Variants in ULK4 observed in about 807,000 individuals in gnomAD.
ULK4 encodes the protein inactive serine/threonine-protein kinase ULK4.
In ULK4, 133 loss-of-function variants were observed where a neutral mutation model predicts 160.6. The observed-to-expected ratio is 0.83, with a 90% CI of 0.72 to 0.96. The LOEUF (loss-of-function observed/expected upper bound fraction) is 0.96. Among genes scored for constraint, ULK4 ranks in the 40% least tolerant of loss-of-function variants. The pLI is 0.00. For synonymous variants in ULK4, 534 were observed against 539.8 expected, an observed-to-expected ratio of 0.99 and a Z score of 0.15; for missense variants, 1,580 against 1,499.5, an observed-to-expected ratio of 1.05 and a Z score of -0.89.
At chr3:41,626,094 T>A (rs1025980839) in intron 30 of ULK4, among the ~76,000 whole-genome samples, 7 of 152,162 alleles carry the variant, frequency 4.6e-5, no homozygotes, top group Non-Finnish European at 7.4e-5. Flanking sequence ...TTAAAGAGTC[T>A]CCCTTACAAA....
chr3:41,250,708 G>A (rs773818506), intron 35 of ULK4, among the ~76,000 whole-genome samples: 3 of 152,136 alleles, frequency 2.0e-5, no homozygotes, highest in African/African-American at 4.8e-5. Flanking sequence ...GAATGCATTC[G>A]CACCTCCACT....
intron 31 of ULK4, among the ~76,000 whole-genome samples, chr3:41,600,767 C>G (rs2032011297): frequency 6.6e-6 from 1 of 152,220 alleles, no homozygotes; most frequent in Admixed American, 6.5e-5. Context: ...AAGCCAAGTC[C>G]TGTGCTCATT....
chr3:41,437,355 A>T (rs879641999), intron 34 of ULK4, among the ~76,000 whole-genome samples: 6 of 152,222 alleles, frequency 3.9e-5, no homozygotes, highest in Non-Finnish European at 8.8e-5. Flanking sequence ...TTAAGAGAAA[A>T]ATTCACTTTT....
intron 21 of ULK4, among the ~76,000 whole-genome samples, chr3:41,769,379 A>G (rs531145820): frequency 4.1e-4 from 62 of 152,342 alleles, no homozygotes; most frequent in African/African-American, 1.4e-3. Context: ...GCAAAGACTT[A>G]GTGCCAAAGA....
chr3:41,715,640 T>C, intron 23 of ULK4, 72 bp from the exon 24 acceptor site: 1 of 1,589,056 alleles, frequency 6.3e-7, no homozygotes, highest in Non-Finnish European at 8.6e-7. Context: ...GGTCATTGCT[T>C]GAATACCCAT....
intron 32 of ULK4, among the ~76,000 whole-genome samples, chr3:41,543,271 G>A (rs2086754738): frequency 6.6e-6 from 1 of 152,066 alleles, no homozygotes; most frequent in African/African-American, 2.4e-5. Flanking sequence ...CAGTTCACAT[G>A]TCATCAAGAT....
chr3:41,570,584 TAG>T (rs2087937757), intron 31 of ULK4, among the ~76,000 whole-genome samples: 1 of 152,226 alleles, frequency 6.6e-6, no homozygotes, highest in Non-Finnish European at 1.5e-5. Flanking sequence ...TCAGCAAATA[TAG>T]GTCAGTCTTA....
In ULK4 at chr3:41,642,621, G is replaced by A. The variant is rs184136786; in HGVS notation, c.3071+20986C>T. 1.3e-3 allele frequency among the ~76,000 whole-genome samples: 193 copies of A among 152,204 alleles called. 1 individual carries two copies. The highest frequency in any genetic ancestry group is 4.4e-3 in the African/African-American group (182 of 41,510). On this transcript the variant is annotated intron_variant, in intron 30 of 36. Transcript: ENST00000301831. The stretch of plus-strand genomic sequence containing the variant: ...ACATTTGGATCAGTTCTAAGTCTTC[G>A]CTATTGTGAACAGTGCCGCAATAAA...
chr3:41,949,765 G>C (rs1351253714), intron 2 of ULK4, among the ~76,000 whole-genome samples: 5 of 145,484 alleles, frequency 3.4e-5, no homozygotes, highest in Non-Finnish European at 6.0e-5. Flanking sequence ...TTTTGAGACA[G>C]TGTCTCTGTC....
rs117649140 is a variant in ULK4, at chr3:41,888,244, A to G, written c.1578-4292T>C. ...ACTTATGAGACATTCTCTGTCTTTA[A>G]TGATTGCAGACTAAACACTTGACAC... is the stretch of plus-strand genomic sequence containing the variant. On this transcript the variant is annotated intron_variant, in intron 16 of 36. Transcript: ENST00000301831. Among the ~76,000 whole-genome samples the G allele has an allele frequency of 2.0e-5, 3 of 152,340 alleles. No homozygotes were observed. The East Asian group carries it at 5.8e-4, about 29-fold the overall frequency.
intron 32 of ULK4, among the ~76,000 whole-genome samples, chr3:41,493,205 G>T (rs1310061522): frequency 7.1e-6 from 1 of 140,994 alleles, no homozygotes; most frequent in East Asian, 2.0e-4. Flanking sequence ...AAATGTAAAA[G>T]AACAGAAATT....
chr3:41,643,866 A>C (rs533273757), intron 30 of ULK4, among the ~76,000 whole-genome samples: 19 of 151,956 alleles, frequency 1.3e-4, no homozygotes, highest in African/African-American at 2.7e-4. Context: ...CTTTTATTTC[A>C]TTGAGCAGTG....
At chr3:41,692,491 T>C (rs2036338867) in intron 27 of ULK4, among the ~76,000 whole-genome samples, 1 of 151,938 alleles carries the variant, frequency 6.6e-6, no homozygotes, top group Non-Finnish European at 1.5e-5. Context: ...ACAGAATTTA[T>C]ACATATACGT....
At chr3:41,481,813 C>T (rs1262579316) in intron 32 of ULK4, among the ~76,000 whole-genome samples, 6 of 118,050 alleles carry the variant, frequency 5.1e-5, no homozygotes, top group South Asian at 2.6e-4. Flanking sequence ...GGCGACAGAG[C>T]GAGACTCCGT....
intron 31 of ULK4, among the ~76,000 whole-genome samples, chr3:41,605,880 A>G (rs1370527704): frequency 6.6e-6 from 1 of 152,084 alleles, no homozygotes; most frequent in Non-Finnish European, 1.5e-5. Flanking sequence ...AAGAAATTGT[A>G]TAAGATGCAA....
At chr3:41,854,064 C>T (rs1011464228) in intron 17 of ULK4, 1 of 152,224 alleles carries the variant, frequency 6.6e-6, no homozygotes, top group African/African-American at 2.4e-5. Flanking sequence ...CACTTCCCAG[C>T]CTGTCAAGAT....
chr3:41,484,167 G>A (rs923240467), intron 32 of ULK4, among the ~76,000 whole-genome samples: 1 of 152,140 alleles, frequency 6.6e-6, no homozygotes, highest in Non-Finnish European at 1.5e-5. Context: ...TCAGCATCAG[G>A]TGATGGACCG....
intron 32 of ULK4, among the ~76,000 whole-genome samples, chr3:41,540,446 A>AT (rs1490814870): frequency 1.3e-5 from 2 of 152,158 alleles, no homozygotes; most frequent in African/African-American, 2.4e-5. Flanking sequence ...ACTGATGGGC[A>AT]TTTGGGTTGA....
At chr3:41,722,513 C>T (rs2037508245) in intron 22 of ULK4, among the ~76,000 whole-genome samples, 1 of 152,122 alleles carries the variant, frequency 6.6e-6, no homozygotes, top group African/African-American at 2.4e-5. Context: ...TGCCTGTAAT[C>T]CCAGCTACCC....
Sources: gnomAD v4.1 joint callset for allele counts (sites outside exome capture counted in the v4.1 genomes callset) on GRCh38, gnomAD v4.1.1 for gene constraint, MANE v1.5 for transcripts, NCBI Gene and HGNC (gene_info 2026-07-23, HGNC 2026-07-21) for gene names.